Variants in CECR2 observed in about 807,000 individuals in gnomAD.
CECR2 encodes the protein CECR2 histone acetyl-lysine reader, also known as chromatin remodeling regulator CECR2.
CECR2 carries 30 observed loss-of-function variants against 154.5 expected under a neutral mutation model. That is an observed-to-expected ratio of 0.19 (90% confidence interval 0.15 to 0.26). The LOEUF is 0.26. Among genes scored for constraint, CECR2 ranks in the 10% least tolerant of loss-of-function variants. The pLI, the probability that CECR2 is intolerant of heterozygous loss-of-function variation, is 1.00. For synonymous variants in CECR2, 725 were observed against 683.7 expected, an observed-to-expected ratio of 1.06 and a Z score of -0.94; for missense variants, 1,743 against 1,829.3, an observed-to-expected ratio of 0.95 and a Z score of 0.86.
At chr22:17,362,961 C>T (rs1244305591) in intron 1 of CECR2, among the ~76,000 whole-genome samples, 2 of 150,480 alleles carry the variant, frequency 1.3e-5, no homozygotes, top group East Asian at 3.9e-4. Flanking sequence ...CTTTAGGTGC[C>T]TCTTACCTTC....
chr22:17,401,431 G>A (rs1005833702), intron 1 of CECR2, among the ~76,000 whole-genome samples: 2 of 152,168 alleles, frequency 1.3e-5, no homozygotes, highest in African/African-American at 2.4e-5. Flanking sequence ...CCACGCGAGG[G>A]TGTGATATCC....
chr22:17,545,012 GGAT>G (rs1445109503), intron 16 of CECR2, among the ~76,000 whole-genome samples: 1 of 151,754 alleles, frequency 6.6e-6, no homozygotes, highest in African/African-American at 2.4e-5. Context: ...TCTGTTCCTT[GGAT>G]ACATACCTGG....
In CECR2 at chr22:17,382,902, A is replaced by G. The variant is rs111491159; in HGVS notation, c.126+12993A>G. Among the ~76,000 whole-genome samples the G allele has an allele frequency of 2.6e-3, 388 of 151,374 alleles. 1 individual carries two copies. Among genetic ancestry groups the G allele is most frequent in the African/African-American group, 9.0e-3 (372 of 41,198 alleles). ...GGGCAGCAGTGAGACCTTGTCTCAA[A>G]ACAAACACAACAAAACAACTATTAC... On this transcript the variant is annotated intron_variant, in intron 1 of 18. Transcript: ENST00000262608.
intron 1 of CECR2, 83 bp from the exon 2 acceptor site, chr22:17,477,505 G>A: frequency 1.1e-6 from 1 of 906,378 alleles, no homozygotes; most frequent in South Asian, 1.4e-5. Context: ...TCAGTTCTTG[G>A]GGCTTGTGCT....
chr22:17,406,197 C>CT (rs201386924), intron 1 of CECR2, among the ~76,000 whole-genome samples: 3,150 of 152,246 alleles, frequency 0.021, 112 homozygotes, highest in African/African-American at 0.073. Context: ...AATATGGTGT[C>CT]TTTTGGTAAA....
intron 1 of CECR2, among the ~76,000 whole-genome samples, chr22:17,436,418 GGA>G (rs1417466057): frequency 1.3e-5 from 2 of 152,208 alleles, no homozygotes; most frequent in Non-Finnish European, 2.9e-5. Context: ...ATAAGAAACT[GGA>G]GTGACGGAAG....
chr22:17,407,174 T>C (rs1005260085), intron 1 of CECR2, among the ~76,000 whole-genome samples: 1 of 152,230 alleles, frequency 6.6e-6, no homozygotes, highest in African/African-American at 2.4e-5. Flanking sequence ...TTACTGACTT[T>C]GAGGAGTTTG....
intron 3 of CECR2, among the ~76,000 whole-genome samples, chr22:17,498,740 C>T (rs1386972689): frequency 6.7e-6 from 1 of 150,134 alleles, no homozygotes; most frequent in African/African-American, 2.5e-5. Flanking sequence ...GCCTGATCCA[C>T]CCGGTTGTAC....
chr22:17,552,773 A>AATTTTTTTTTTTTTTTTT (rs2056726698), intron 18 of CECR2, 62 bp from the exon 19 acceptor site: 1 of 395,410 alleles, frequency 2.5e-6, no homozygotes, highest in Non-Finnish European at 3.8e-6. Context: ...GGCTTACTTA[A>AATTTTTTTTTTTTTTTTT]GTTTTTTTTT....
intron 7 of CECR2, among the ~76,000 whole-genome samples, chr22:17,506,308 C>T (rs1311700893): frequency 6.6e-6 from 1 of 151,696 alleles, no homozygotes; most frequent in East Asian, 2.0e-4. Context: ...TTAATTTTAT[C>T]TGTGCGTAGG....
chr22:17,550,091 A>G (rs1469460924), intron 17 of CECR2, among the ~76,000 whole-genome samples: 2 of 152,142 alleles, frequency 1.3e-5, no homozygotes, highest in East Asian at 3.9e-4. Context: ...ATGAAAATGA[A>G]CTGGCATTTA....
At chr22:17,447,730 G>C (rs1012435283) in intron 1 of CECR2, among the ~76,000 whole-genome samples, 1 of 151,878 alleles carries the variant, frequency 6.6e-6, no homozygotes, top group Non-Finnish European at 1.5e-5. Flanking sequence ...AAAGTTCTCC[G>C]TGGCAGTTTT....
chr22:17,381,257 C>A (rs905469170), intron 1 of CECR2, among the ~76,000 whole-genome samples: 2 of 152,126 alleles, frequency 1.3e-5, no homozygotes, highest in East Asian at 1.9e-4. Flanking sequence ...GAAAGACTTT[C>A]CCCCCATTTT....
Position 17,495,600 on chromosome 22 carries a change from C to T in CECR2, c.222-1803C>T, listed in dbSNP as rs112670208. 5.0e-3 allele frequency among the ~76,000 whole-genome samples: 731 copies of T among 145,056 alleles called. 7 individuals carry two copies. Among genetic ancestry groups the T allele is most frequent in the African/African-American group, 0.018 (693 of 39,208 alleles). On this transcript the variant is annotated intron_variant, in intron 2 of 18. Coordinates refer to ENST00000262608, the MANE Select transcript of CECR2 (RefSeq NM_001290047.2). ...AAAAAAAAACGGGTGTGGTGGCTCA[C>T]GCCTGTAATCCCAGCACTTCGGGAG...
intron 1 of CECR2, among the ~76,000 whole-genome samples, chr22:17,459,589 C>CA (rs1345264896): frequency 6.6e-6 from 1 of 151,990 alleles, no homozygotes; most frequent in African/African-American, 2.4e-5. Flanking sequence ...GTTGGGATTA[C>CA]AGGTGTGAGC....
intron 18 of CECR2, 89 bp from the exon 19 acceptor site, chr22:17,552,746 G>A: frequency 1.7e-6 from 2 of 1,172,686 alleles, no homozygotes; most frequent in Non-Finnish European, 2.3e-6. Flanking sequence ...CACACATGAG[G>A]AGCTTGGACA....
At chr22:17,525,693 T>A (rs2056252944) in intron 9 of CECR2, among the ~76,000 whole-genome samples, 1 of 152,244 alleles carries the variant, frequency 6.6e-6, no homozygotes, top group African/African-American at 2.4e-5. Flanking sequence ...AGATCTTCCA[T>A]AATTGGCTAT....
Position 17,542,855 on chromosome 22 carries a change from C to A in CECR2, c.2712C>A (p.Pro904=), listed in dbSNP as rs755322243. 1.2e-6 allele frequency: 2 copies of A among 1,613,608 alleles called. No individual in the cohort carries two copies. Among genetic ancestry groups the A allele is most frequent in the Admixed American group, 1.7e-5 (1 of 60,002 alleles). Residue 904 remains proline (P), a synonymous_variant, in exon 16 of 19, where the codon CCC becomes CCA. Coordinates refer to ENST00000262608, the MANE Select transcript of CECR2 (RefSeq NM_001290047.2). ...GCCCCCCAGGTGTGCCTTACCACCC[C>A]CACCAGCCTGCACACCCCCGTTTAC... ...RVCPPGVPYH[P]HQPAHPRLPG...
chr22:17,554,090 T>G lies in CECR2; in HGVS notation c.*1250T>G, dbSNP rs1009918662. The stretch of plus-strand genomic sequence containing the variant: ...CAAGTTCTTGGAATTATCTGTTGTA[T>G]CTGTGATAGGAAACCATTTTACAGT... On this transcript the variant is annotated 3_prime_UTR_variant, in exon 19 of 19. Transcript: ENST00000262608. 6.6e-6 allele frequency: 1 copy of G among 152,234 alleles called. No homozygotes were observed. The highest frequency in any genetic ancestry group is 1.5e-5 in the Non-Finnish European group (1 of 68,028). The allele number at this position is 152,234 out of a possible 1,614,324, so 9.4% of individuals were successfully genotyped here. A position where few individuals can be genotyped will look rare whatever the true frequency, so the allele number is the denominator to read the frequency against.
Sources: allele counts gnomAD v4.1 joint callset (sites outside exome capture counted in the v4.1 genomes callset), GRCh38; gene constraint gnomAD v4.1.1; transcripts MANE v1.5; gene names NCBI Gene and HGNC (gene_info 2026-07-23, HGNC 2026-07-21).